The following SLC25A21 variants were observed in gnomAD, a reference collection of about 807,000 sequenced individuals.
The protein encoded by SLC25A21 is solute carrier family 25 member 21.
SLC25A21 carries 47 observed loss-of-function variants against 43.8 expected under a neutral mutation model. That is an observed-to-expected ratio of 1.07 (90% CI 0.85 to 1.37). The LOEUF (loss-of-function observed/expected upper bound fraction) is 1.37, where lower values mean the gene tolerates loss of function less well. Among genes scored for constraint, SLC25A21 ranks in the 40% most tolerant of loss-of-function variants. The probability of loss-of-function intolerance (pLI) is 0.00; values close to 1 mark genes in which losing one functional copy is unlikely to be tolerated. For synonymous variants in SLC25A21, 131 were observed against 121.3 expected (o/e 1.08, Z -0.52); for missense variants, 352 against 350.2 (o/e 1.00, Z -0.04).
At chr14:36,761,635 G>T (rs958873288) in intron 3 of SLC25A21, among the ~76,000 whole-genome samples, 1 of 152,152 alleles carries the variant, frequency 6.6e-6, no homozygotes, top group South Asian at 2.1e-4. Context: ...TATTACACTG[G>T]TCTCTTGATC....
Position 37,172,333 on chromosome 14 carries a change from T to G in SLC25A21, c.18A>C (p.Glu6Asp), listed in dbSNP as rs984529327. 4.4e-6 allele frequency: 7 copies of G among 1,602,618 alleles called. No individual in the cohort carries two copies. The highest frequency in any genetic ancestry group is 6.0e-6 in the Non-Finnish European group (7 of 1,174,760). Residue 6 changes from glutamate to aspartate, a missense_variant, in exon 1 of 10, where the codon GAA becomes GAC. Physicochemically the swap from Glu to Asp is conservative, Grantham distance 45 (BLOSUM62 2). Transcript: ENST00000331299. Reference sequence around the variant, plus strand: ...GAGAAGCCTCGCGCACTAAGCTGACTTCAGGCTTGGCGGACATCTTCGCCA... The same window carrying G: ...GAGAAGCCTCGCGCACTAAGCTGACGTCAGGCTTGGCGGACATCTTCGCCA... MSAKP[E>D]VSLVREASRQ... is the part of the protein sequence containing the mutation.
chr14:36,987,691 T>C (rs1041366599), intron 1 of SLC25A21, among the ~76,000 whole-genome samples: 1 of 152,190 alleles, frequency 6.6e-6, no homozygotes, highest in African/African-American at 2.4e-5. Context: ...CATTAAATAG[T>C]TAGGTTGTTT....
At chr14:36,948,488 A>T (rs1178846255) in intron 1 of SLC25A21, among the ~76,000 whole-genome samples, 1 of 152,194 alleles carries the variant, frequency 6.6e-6, no homozygotes. Flanking sequence ...AATAATAATA[A>T]AGAATCATTG....
chr14:36,855,890 G>A (rs565702607), intron 2 of SLC25A21, among the ~76,000 whole-genome samples: 33 of 152,238 alleles, frequency 2.2e-4, no homozygotes, highest in East Asian at 7.7e-4. Context: ...TTTCCCAGGC[G>A]GGTATTCGGC....
At chr14:37,088,557 T>C (rs929512674) in intron 1 of SLC25A21, among the ~76,000 whole-genome samples, 1 of 152,200 alleles carries the variant, frequency 6.6e-6, no homozygotes, top group Non-Finnish European at 1.5e-5. Context: ...ATCTTAATTA[T>C]AAGAAAGTAA....
intron 1 of SLC25A21, among the ~76,000 whole-genome samples, chr14:36,913,226 T>A (rs1482403679): frequency 6.6e-6 from 1 of 152,150 alleles, no homozygotes; most frequent in Admixed American, 6.5e-5. Flanking sequence ...ATAATTAAAA[T>A]CCAAAATCTA....
At chr14:36,962,082 C>A (rs1371683979) in intron 1 of SLC25A21, among the ~76,000 whole-genome samples, 2 of 152,170 alleles carry the variant, frequency 1.3e-5, no homozygotes, top group African/African-American at 4.8e-5. Flanking sequence ...CTTTCCGAAC[C>A]ACTCATCCTT....
chr14:37,138,689 G>T (rs1319815823), intron 1 of SLC25A21, among the ~76,000 whole-genome samples: 1 of 151,690 alleles, frequency 6.6e-6, no homozygotes, highest in Non-Finnish European at 1.5e-5. Context: ...TTCCTTCATT[G>T]AAATGTTAAA....
At chr14:36,751,495 C>A (rs1019810258) in intron 3 of SLC25A21, among the ~76,000 whole-genome samples, 1 of 152,172 alleles carries the variant, frequency 6.6e-6, no homozygotes, top group African/African-American at 2.4e-5. Context: ...AAATTGATTA[C>A]TAACTTGAAG....
intron 1 of SLC25A21, among the ~76,000 whole-genome samples, chr14:37,126,712 TAACA>T (rs1267533030): frequency 6.6e-6 from 1 of 152,176 alleles, no homozygotes; most frequent in East Asian, 1.9e-4. Flanking sequence ...TGATTCTGCT[TAACA>T]AACATTTACA....
chr14:36,986,848 T>C (rs1208578622), intron 1 of SLC25A21, among the ~76,000 whole-genome samples: 1 of 152,126 alleles, frequency 6.6e-6, no homozygotes, highest in African/African-American at 2.4e-5. Context: ...GAATATTGGG[T>C]TTATGATTTA....
At chr14:36,753,819 C>A (rs1005111848) in intron 3 of SLC25A21, among the ~76,000 whole-genome samples, 6 of 151,916 alleles carry the variant, frequency 3.9e-5, no homozygotes, top group Non-Finnish European at 8.8e-5. Flanking sequence ...AGTGTATCCA[C>A]CAAGTTGTTA....
Position 36,894,635 on chromosome 14 carries a change from C to T in SLC25A21, c.71-19631G>A. Among the ~76,000 whole-genome samples, 2 of 152,050 alleles carry T rather than the reference C, an allele frequency of 1.3e-5. 1 individual carries two copies. The highest frequency in any genetic ancestry group is 6.3e-3 in the Middle Eastern group (2 of 316). ...CTTGTGCCAGTTTTCAAAGGGAATG[C>T]TTCCAGTTTTTGCCCATTCAGTACG... On this transcript the variant is annotated intron_variant, in intron 1 of 9. Transcript: ENST00000331299.
At chr14:37,138,306 A>C (rs1397747866) in intron 1 of SLC25A21, among the ~76,000 whole-genome samples, 1 of 152,232 alleles carries the variant, frequency 6.6e-6, no homozygotes, top group African/African-American at 2.4e-5. Context: ...CCTCGATTAA[A>C]GTATATACTT....
intron 1 of SLC25A21, among the ~76,000 whole-genome samples, chr14:37,053,678 C>T (rs1022686311): frequency 4.6e-5 from 7 of 152,054 alleles, no homozygotes; most frequent in African/African-American, 1.7e-4. Context: ...AGGAAATGTG[C>T]AAGATAAAAC....
chr14:37,048,265 A>C (rs1056353042), intron 1 of SLC25A21, among the ~76,000 whole-genome samples: 2 of 152,168 alleles, frequency 1.3e-5, no homozygotes, highest in Non-Finnish European at 2.9e-5. Context: ...ATTCTGCAAG[A>C]TTAAGACAGA....
At chr14:37,099,550 T>A (rs1464845543) in intron 1 of SLC25A21, among the ~76,000 whole-genome samples, 1 of 152,176 alleles carries the variant, frequency 6.6e-6, no homozygotes, top group South Asian at 2.1e-4. Flanking sequence ...TTATCCTTAT[T>A]ATTCCTCACC....
Position 36,874,984 on chromosome 14 carries a change from T to C in SLC25A21, c.91A>G (p.Met31Val), listed in dbSNP as rs745388617. ...GTTTTCACCACATCTAGGGGGTGCA[T>C]CAGGCAAATTTCTACAAGACCTGAA... ...GSAGLVEICL[M>V]HPLDVVKTRF... The change falls in exon 2 of 10, where the codon ATG becomes GTG. Residue 31 changes from methionine (M) to valine (V), a missense_variant. Physicochemically the swap from Met to Val is conservative, Grantham distance 21. Coordinates refer to ENST00000331299, the MANE Select transcript of SLC25A21 (RefSeq NM_030631.4). 6.2e-7 allele frequency: 1 copy of C among 1,610,268 alleles called. No individual in the cohort carries two copies. The highest frequency in any genetic ancestry group is 8.5e-7 in the Non-Finnish European group (1 of 1,178,470).
intron 2 of SLC25A21, among the ~76,000 whole-genome samples, chr14:36,834,657 T>C (rs1211143639): frequency 2.0e-5 from 3 of 152,170 alleles, no homozygotes; most frequent in Non-Finnish European, 4.4e-5. Flanking sequence ...AATAAAGCCC[T>C]GTCTTGTGAA....
Sources: allele counts gnomAD v4.1 joint callset (sites outside exome capture counted in the v4.1 genomes callset), GRCh38; gene constraint gnomAD v4.1.1; transcripts MANE v1.5; gene names NCBI Gene and HGNC (gene_info 2026-07-23, HGNC 2026-07-21).